Variants in EIF4E3 observed in about 807,000 individuals in gnomAD.
EIF4E3 encodes the protein eukaryotic translation initiation factor 4E family member 3.
Under a neutral mutation model 31.7 loss-of-function variants are expected in EIF4E3, and 26 were observed. The observed-to-expected ratio is 0.82, with a 90% CI of 0.60 to 1.14. The LOEUF is 1.14. Ranked by LOEUF, EIF4E3 falls within the 50% of genes most tolerant of loss-of-function variation. The pLI, the probability that EIF4E3 is intolerant of heterozygous loss-of-function variation, is 0.00. For synonymous variants in EIF4E3, 128 were observed against 107.7 expected, an observed-to-expected ratio of 1.19 and a Z score of -1.17; for missense variants, 304 against 270.9, an observed-to-expected ratio of 1.12 and a Z score of -0.86.
intron 2 of EIF4E3, among the ~76,000 whole-genome samples, chr3:71,700,487 G>A (rs148516735): frequency 2.6e-5 from 4 of 151,916 alleles, no homozygotes; most frequent in African/African-American, 9.7e-5. Context: ...GGTGCCAGAC[G>A]CCTATAATCC....
chr3:71,668,629 C>A, the EIF4E3 span, among the ~76,000 whole-genome samples: 1 of 151,760 alleles, frequency 6.6e-6, no homozygotes, highest in Non-Finnish European at 1.5e-5. Flanking sequence ...ATGCGGCCAA[C>A]AAACATATGA....
chr3:71,737,992 G>A (rs143100208), intron 1 of EIF4E3, among the ~76,000 whole-genome samples: 268 of 152,254 alleles, frequency 1.8e-3, no homozygotes, highest in African/African-American at 5.9e-3. Context: ...CTCCCACGAA[G>A]TATAGTGAAA....
At chr3:71,698,773 T>A (rs985112365) in intron 3 of EIF4E3, among the ~76,000 whole-genome samples, 1 of 152,160 alleles carries the variant, frequency 6.6e-6, no homozygotes, top group African/African-American at 2.4e-5. Flanking sequence ...CCACCTCAGA[T>A]GGGAGAAAAT....
At chr3:71,720,246 C>A (rs2049526717) in intron 1 of EIF4E3, among the ~76,000 whole-genome samples, 1 of 151,522 alleles carries the variant, frequency 6.6e-6, no homozygotes, top group South Asian at 2.1e-4. Flanking sequence ...TTGGTGTGAT[C>A]ATAGTTCACC....
At chr3:71,740,765 A>C (rs1310763960) in intron 1 of EIF4E3, among the ~76,000 whole-genome samples, 2 of 152,192 alleles carry the variant, frequency 1.3e-5, no homozygotes, top group African/African-American at 2.4e-5. Flanking sequence ...CCAAATATTT[A>C]CTGAGTACCT....
chr3:71,694,728 G>C (rs563892420), intron 4 of EIF4E3, among the ~76,000 whole-genome samples: 89 of 152,288 alleles, frequency 5.8e-4, no homozygotes, highest in African/African-American at 2.1e-3. Flanking sequence ...GAGGCTGCTT[G>C]CTATCTGCAA....
chr3:71,751,930 T>G (rs1402900695), intron 1 of EIF4E3, among the ~76,000 whole-genome samples: 1 of 152,170 alleles, frequency 6.6e-6, no homozygotes, highest in African/African-American at 2.4e-5. Context: ...AATAAACTCA[T>G]GTACACGTTT....
At position 71,683,127 on chromosome 3, in the gene EIF4E3, G is replaced by A. The variant is rs1040486125; in HGVS notation, c.*1555C>T. ...AAAGCATTTTAAGAAACCTATGATG[G>A]TAAGTATTATGGCTGAGGTGGTTAC... On this transcript the variant is annotated 3_prime_UTR_variant, in exon 7 of 7. Transcript: ENST00000425534. 1 of 152,116 alleles carries A rather than the reference G, an allele frequency of 6.6e-6. No individual in the cohort carries two copies. Among genetic ancestry groups the A allele is most frequent in the East Asian group, 1.9e-4 (1 of 5,196 alleles). The allele number at this position is 152,116 out of a possible 1,614,324, so 9.4% of individuals were successfully genotyped here.
intron 1 of EIF4E3, among the ~76,000 whole-genome samples, chr3:71,731,876 G>A (rs1393277762): frequency 6.6e-6 from 1 of 152,074 alleles, no homozygotes; most frequent in Non-Finnish European, 1.5e-5. Flanking sequence ...ATGCATTTGC[G>A]AGTATATTTC....
chr3:71,665,723 T>C, the EIF4E3 span, among the ~76,000 whole-genome samples: 3 of 152,036 alleles, frequency 2.0e-5, no homozygotes, highest in East Asian at 5.8e-4. Flanking sequence ...CCTCAGCAAA[T>C]GTAAAGGAAT....
chr3:71,734,102 T>C (rs186111681), intron 1 of EIF4E3, among the ~76,000 whole-genome samples: 1 of 152,362 alleles, frequency 6.6e-6, no homozygotes, highest in African/African-American at 2.4e-5. Context: ...TTACATATTA[T>C]CTACATAATG....
At chr3:71,716,017 T>C (rs1238841169) in intron 1 of EIF4E3, among the ~76,000 whole-genome samples, 1 of 152,172 alleles carries the variant, frequency 6.6e-6, no homozygotes, top group Non-Finnish European at 1.5e-5. Context: ...AGGTGTCCCA[T>C]AGCACATCTT....
chr3:71,699,071 TA>T (rs1458108396), intron 3 of EIF4E3, among the ~76,000 whole-genome samples: 1 of 151,564 alleles, frequency 6.6e-6, no homozygotes, highest in Non-Finnish European at 1.5e-5. Flanking sequence ...AAATAAAAAA[TA>T]AAAAATTAGT....
At chr3:71,754,624 T>G (rs774285075), upstream of EIF4E3, 31 of 1,464,756 alleles carry the variant, frequency 2.1e-5, no homozygotes, top group Non-Finnish European at 2.6e-5. This position sits in a 1 kb window ranked among gnomAD's most constrained non-coding sequence, Gnocchi z 5.8. Context: ...CTGCTGGCCG[T>G]GGTGGTGGGC....
At chr3:71,747,241 C>A (rs1292963880) in intron 1 of EIF4E3, among the ~76,000 whole-genome samples, 1 of 152,200 alleles carries the variant, frequency 6.6e-6, no homozygotes, top group Non-Finnish European at 1.5e-5. Context: ...TTTCCACCCC[C>A]ACCAGCATCA....
downstream of EIF4E3, among the ~76,000 whole-genome samples, chr3:71,674,299 G>A (rs892089926): frequency 2.6e-5 from 4 of 151,310 alleles, no homozygotes; most frequent in Non-Finnish European, 5.9e-5. Context: ...TATTGATGGG[G>A]TTTCACCATG....
upstream of EIF4E3, chr3:71,754,233 C>T (rs2049974654): frequency 2.3e-6 from 3 of 1,331,518 alleles, no homozygotes; most frequent in Admixed American, 4.6e-5. This position sits in a 1 kb window ranked among gnomAD's most constrained non-coding sequence, Gnocchi z 5.8. Flanking sequence ...CGACCTGTGC[C>T]TGGCCGACGG....
rs898536371 is a variant in EIF4E3 at position 71,678,429 on chromosome 3, C to G, written c.*6253G>C. On this transcript the variant is annotated 3_prime_UTR_variant, in exon 7 of 7. Coordinates refer to ENST00000425534, the MANE Select transcript of EIF4E3 (RefSeq NM_001134651.2). ...AATTGCAAAACAGTCTAAACATTTG[C>G]ACTAAACACATAAATCACTACCTTT... 2 of 152,080 alleles carry G rather than the reference C, an allele frequency of 1.3e-5. No homozygotes were observed. The highest frequency in any genetic ancestry group is 2.9e-5 in the Non-Finnish European group (2 of 68,014). The allele number at this position is 152,080 out of a possible 1,614,324, so 9.4% of individuals were successfully genotyped here.
At chr3:71,708,721 G>A (rs2049331140) in intron 2 of EIF4E3, among the ~76,000 whole-genome samples, 1 of 152,112 alleles carries the variant, frequency 6.6e-6, no homozygotes, top group South Asian at 2.1e-4. Context: ...CATGAGGACA[G>A]GCCTTCAAAT....
Sources: allele counts gnomAD v4.1 joint callset (sites outside exome capture counted in the v4.1 genomes callset), GRCh38; gene constraint gnomAD v4.1.1; non-coding constraint Gnocchi (gnomAD v3.1); transcripts MANE v1.5; gene names NCBI Gene and HGNC (gene_info 2026-07-23, HGNC 2026-07-21).